The following COL4A5 variants were observed in gnomAD, a reference collection of about 807,000 sequenced individuals.
COL4A5 encodes the protein collagen alpha-5(IV) chain.
COL4A5 carries 26 observed loss-of-function variants against 130.2 expected under a neutral mutation model. The observed-to-expected ratio is 0.20, with a 90% CI of 0.15 to 0.28. The LOEUF is 0.28. Among genes scored for constraint, COL4A5 ranks in the 10% least tolerant of loss-of-function variants. The probability of loss-of-function intolerance (pLI) is 1.00; values close to 1 mark genes in which losing one functional copy is unlikely to be tolerated. For missense variants in COL4A5, 1,131 were observed against 1,344.3 expected (o/e 0.84, Z 2.48); for synonymous variants, 496 against 439.6 (o/e 1.13, Z -1.60).
At chrX:108,649,782 TAAGACCTG>T (rs1430491898) in intron 36 of COL4A5, among the ~76,000 whole-genome samples, 1 of 112,021 alleles carries the variant, frequency 8.9e-6, no homozygotes, top group African/African-American at 3.2e-5. Context: ...GACTTAAATC[TAAGACCTG>T]AAACTATAAA....
intron 23 of COL4A5, 60 bp downstream of exon 23, chrX:108,597,128 A>C: frequency 1.0e-6 from 1 of 957,038 alleles, no homozygotes; most frequent in Admixed American, 2.5e-5. Flanking sequence ...TTACACATTG[A>C]TTTTCAATTA....
In COL4A5 at chrX:108,622,689, G is replaced by T. The variant is rs2067079528; in HGVS notation, c.2781G>T (p.Leu927Phe). 4 of 1,209,692 alleles carry T rather than the reference G, an allele frequency of 3.3e-6. No individual in the cohort carries two copies. Among genetic ancestry groups the T allele is most frequent in the Admixed American group, 2.2e-5 (1 of 45,829 alleles). Reference sequence around the variant, plus strand: ...CATTGATTTTAGGTGATGATGGCTTGCAGGGTCAGCCAGGACTTCCTGGCC... The same window carrying T: ...CATTGATTTTAGGTGATGATGGCTTTCAGGGTCAGCCAGGACTTCCTGGCC... ...GVPGLKGDDG[L>F]QGQPGLPGPT... The change falls in exon 33 of 53, where the codon TTG (leucine) becomes TTT (phenylalanine). Residue 927 changes from leucine to phenylalanine, a missense_variant. Coordinates refer to ENST00000328300, the MANE Select transcript of COL4A5 (RefSeq NM_033380.3).
intron 1 of COL4A5, among the ~76,000 whole-genome samples, chrX:108,511,945 T>C (rs1376259952): frequency 9.0e-6 from 1 of 111,363 alleles, no homozygotes; most frequent in Admixed American, 9.6e-5. Flanking sequence ...GGTTTCTTTT[T>C]GGGATGATAA....
At chrX:108,511,280 C>A (rs1179543624) in intron 1 of COL4A5, among the ~76,000 whole-genome samples, 1 of 111,577 alleles carries the variant, frequency 9.0e-6, no homozygotes, top group East Asian at 2.8e-4. Context: ...TTATCCATTC[C>A]ATTATCTATA....
chrX:108,665,392 G>A, intron 37 of COL4A5, 115 bp from the exon 38 acceptor site: 2 of 507,300 alleles, frequency 3.9e-6, no homozygotes, highest in Non-Finnish European at 6.8e-6. Flanking sequence ...CATCTTTTGG[G>A]TTTCTTTTTG....
chrX:108,571,988 T>C, intron 8 of COL4A5, 151 bp downstream of exon 8: 2 of 482,656 alleles, frequency 4.1e-6, no homozygotes, highest in Non-Finnish European at 7.4e-6. Context: ...TTAAGTAGTC[T>C]CCTGTGTTCC....
chrX:108,614,646 A>G (rs2066893709), intron 29 of COL4A5, among the ~76,000 whole-genome samples: 1 of 112,177 alleles, frequency 8.9e-6, no homozygotes, highest in Admixed American at 9.5e-5. Flanking sequence ...ACAATGAGTT[A>G]CAAGTAGAAG....
At chrX:108,443,676 A>G (rs953634857) in intron 1 of COL4A5, among the ~76,000 whole-genome samples, 6 of 111,799 alleles carry the variant, frequency 5.4e-5, no homozygotes, top group African/African-American at 1.6e-4. Flanking sequence ...TGATGTCTAT[A>G]CATGTAAGAC....
chrX:108,440,360 C>A, intron 1 of COL4A5, 154 bp downstream of exon 1: 1 of 469,960 alleles, frequency 2.1e-6, no homozygotes, highest in Non-Finnish European at 3.7e-6. Context: ...TTATTTGCAA[C>A]ACCGGTAACT....
intron 1 of COL4A5, among the ~76,000 whole-genome samples, chrX:108,499,944 C>T (rs2065065438): frequency 9.0e-6 from 1 of 111,181 alleles, no homozygotes; most frequent in Non-Finnish European, 1.9e-5. Flanking sequence ...CACACATAGA[C>T]CCACTAAGAG....
Position 108,601,092 on chromosome X carries a change from A to G in COL4A5, c.1949-301A>G, listed in dbSNP as rs187484000. 6.3e-5 allele frequency among the ~76,000 whole-genome samples: 7 copies of G among 111,624 alleles called. No homozygotes were observed. The East Asian group carries it at 1.7e-3, about 27-fold the overall frequency. On this transcript the variant is annotated intron_variant, in intron 25 of 52. Coordinates refer to ENST00000328300, the MANE Select transcript of COL4A5 (RefSeq NM_033380.3). ...CAGCCTCACAGACATATCTAGAAAT[A>G]ATGCTTTACCAGCGATCTCAGTATC...
chrX:108,614,822 T>C, intron 29 of COL4A5, 89 bp from the exon 30 acceptor site: 1 of 640,747 alleles, frequency 1.6e-6, no homozygotes, highest in South Asian at 2.3e-5. Flanking sequence ...GCCCAGTTTT[T>C]CAAGATTCTT....
At chrX:108,652,262 T>A (rs752117012) in intron 36 of COL4A5, among the ~76,000 whole-genome samples, 2 of 112,309 alleles carry the variant, frequency 1.8e-5, no homozygotes, top group South Asian at 7.3e-4. Context: ...TAAAAAAGTA[T>A]CTCTGCATGC....
chrX:108,656,913 T>C (rs1482960274), intron 37 of COL4A5, among the ~76,000 whole-genome samples: 1 of 111,690 alleles, frequency 9.0e-6, no homozygotes, highest in African/African-American at 3.2e-5. Flanking sequence ...ATGAGTCCTT[T>C]GTCAGATACA....
chrX:108,663,997 C>T (rs1403079948), intron 37 of COL4A5, among the ~76,000 whole-genome samples: 1 of 111,385 alleles, frequency 9.0e-6, no homozygotes, highest in Non-Finnish European at 1.9e-5. Flanking sequence ...CTGGCCTGGC[C>T]AATATGGTGA....
chrX:108,680,055 C>G (rs997306585), intron 44 of COL4A5, among the ~76,000 whole-genome samples: 12 of 111,909 alleles, frequency 1.1e-4, no homozygotes, highest in African/African-American at 3.2e-4. Context: ...CACCCATGTT[C>G]TCAACCAGGT....
chrX:108,463,272 G>A (rs1352615744), intron 1 of COL4A5, among the ~76,000 whole-genome samples: 3 of 111,890 alleles, frequency 2.7e-5, no homozygotes, highest in Admixed American at 9.5e-5. Flanking sequence ...AAGTATCTCA[G>A]TATTTAATTA....
intron 4 of COL4A5, 48 bp downstream of exon 4, chrX:108,563,974 T>C (rs755507912): frequency 5.8e-6 from 6 of 1,040,180 alleles, no homozygotes; most frequent in Middle Eastern, 2.6e-4. Flanking sequence ...TGGAAACAGA[T>C]AGAGAACAAA....
rs138083045 is a variant in COL4A5, at chrX:108,614,945, G to T, written c.2430G>T (p.Met810Ile). ...DVGPNGQPGP[M>I]GPPGLPGIGV... is the part of the protein sequence containing the mutation. ...GACCAAATGGACAACCTGGACCAATGGGACCTCCTGGGCTGCCAGGAATAG... is the reference window on the plus strand; with the variant it reads ...GACCAAATGGACAACCTGGACCAATTGGACCTCCTGGGCTGCCAGGAATAG... The change falls in exon 30 of 53, where the codon ATG (methionine) becomes ATT (isoleucine). Residue 810 changes from methionine to isoleucine, a missense_variant. Physicochemically the swap from Met to Ile is conservative, Grantham distance 10. Coordinates refer to ENST00000328300, the MANE Select transcript of COL4A5 (RefSeq NM_033380.3). 11 of 1,208,605 alleles carry T rather than the reference G, an allele frequency of 9.1e-6. No individual in the cohort carries two copies. The African/African-American group carries it at 1.6e-4, about 17-fold the overall frequency.
Sources: allele counts gnomAD v4.1 joint callset (sites outside exome capture counted in the v4.1 genomes callset), GRCh38; gene constraint gnomAD v4.1.1; transcripts MANE v1.5; gene names NCBI Gene and HGNC (gene_info 2026-07-23, HGNC 2026-07-21).